Variants in GRIN2A observed in about 807,000 individuals in gnomAD.
GRIN2A encodes the protein glutamate ionotropic receptor NMDA type subunit 2A.
In GRIN2A, 22 loss-of-function variants were observed where a neutral mutation model predicts 113.4. The observed-to-expected ratio is 0.19, with a 90% confidence interval of 0.14 to 0.28. The LOEUF (loss-of-function observed/expected upper bound fraction) is 0.28, where lower values mean the gene tolerates loss of function less well. Among genes scored for constraint, GRIN2A ranks in the 10% least tolerant of loss-of-function variants. GRIN2A has a pLI of 1.00. For synonymous variants in GRIN2A, 827 were observed against 738.4 expected (o/e 1.12, Z -1.94); for missense variants, 1,502 against 1,887.0 (o/e 0.80, Z 3.78).
At chr16:9,793,665 CA>C (rs1902765196) in intron 11 of GRIN2A, among the ~76,000 whole-genome samples, 1 of 152,094 alleles carries the variant, frequency 6.6e-6, no homozygotes, top group Admixed American at 6.6e-5. Flanking sequence ...CTTTATGAAT[CA>C]TTCTGTCCTT....
At chr16:10,091,000 CAT>C (rs2048174304) in intron 2 of GRIN2A, among the ~76,000 whole-genome samples, 1 of 152,122 alleles carries the variant, frequency 6.6e-6, no homozygotes, top group African/African-American at 2.4e-5. Context: ...ATTCCACTTC[CAT>C]ATACACACTA....
At chr16:10,149,001 G>A (rs1347298972) in intron 2 of GRIN2A, among the ~76,000 whole-genome samples, 1 of 152,228 alleles carries the variant, frequency 6.6e-6, no homozygotes, top group Admixed American at 6.5e-5. Flanking sequence ...TCACCCATCT[G>A]TGGGAGCTAA....
chr16:9,939,908 G>T (rs934220169), intron 2 of GRIN2A, among the ~76,000 whole-genome samples: 1 of 152,034 alleles, frequency 6.6e-6, no homozygotes, highest in Non-Finnish European at 1.5e-5. Flanking sequence ...GGAACTGAAA[G>T]AATTATCAAA....
intron 4 of GRIN2A, among the ~76,000 whole-genome samples, chr16:9,868,493 C>T (rs2043201207): frequency 6.6e-6 from 1 of 152,166 alleles, no homozygotes. Context: ...CCTCAAACTC[C>T]TGACCTCAGG....
At chr16:9,985,611 C>A (rs1384008284) in intron 2 of GRIN2A, among the ~76,000 whole-genome samples, 1 of 151,678 alleles carries the variant, frequency 6.6e-6, no homozygotes, top group Non-Finnish European at 1.5e-5. Flanking sequence ...CTTCATATTC[C>A]CACTTATTTG....
rs550498975 is a variant in GRIN2A at position 9,915,492 on chromosome 16, C to T, written c.1007+22467G>A. Among the ~76,000 whole-genome samples, 5 of 152,304 alleles carry T rather than the reference C, an allele frequency of 3.3e-5. No homozygotes were observed. In the South Asian group the frequency reaches 1.0e-3, roughly 32 times the overall value. On this transcript the variant is annotated intron_variant, in intron 3 of 12. Transcript: ENST00000330684. ...TTTATGGTAAGATTATTTATCAAGG[C>T]CATTGCCCCAATTACTTGTTTCTAC...
At chr16:10,038,203 A>G (rs1418854874) in intron 2 of GRIN2A, among the ~76,000 whole-genome samples, 3 of 152,170 alleles carry the variant, frequency 2.0e-5, no homozygotes, top group African/African-American at 7.2e-5. Context: ...GTGTCCTCAC[A>G]GTGGAAGGGT....
rs1596441754 is a variant in GRIN2A, at chr16:10,029,515, T to G, written c.415-90964A>C. On this transcript the variant is annotated intron_variant, in intron 2 of 12. Coordinates refer to ENST00000330684, the MANE Select transcript of GRIN2A (RefSeq NM_001134407.3). ...CGTAGACTCAAAAGAAAAACAGTAT[T>G]TTAAAAAAAAGAACAAGAATGCTGT... 5.3e-5 allele frequency among the ~76,000 whole-genome samples: 8 copies of G among 152,092 alleles called. 1 individual carries two copies. Among genetic ancestry groups the G allele is most frequent in the Admixed American group, 5.2e-4 (8 of 15,290 alleles).
chr16:9,802,534 A>C (rs1233087892), intron 10 of GRIN2A, among the ~76,000 whole-genome samples: 1 of 152,190 alleles, frequency 6.6e-6, no homozygotes, highest in Non-Finnish European at 1.5e-5. Flanking sequence ...TTATAAAATA[A>C]TACTTAGCAT....
At chr16:9,822,494 AC>A in intron 9 of GRIN2A, 70 bp from the exon 10 acceptor site, 2 of 999,916 alleles carry the variant, frequency 2.0e-6, no homozygotes, top group Non-Finnish European at 3.2e-6. Flanking sequence ...GGAGGAGAGA[AC>A]AAATAATAAA....
At chr16:10,044,524 T>A (rs2047226146) in intron 2 of GRIN2A, among the ~76,000 whole-genome samples, 1 of 151,876 alleles carries the variant, frequency 6.6e-6, no homozygotes, top group Non-Finnish European at 1.5e-5. Context: ...TCATTCTTCA[T>A]CTAGGCTGTC....
chr16:9,867,159 C>T (rs892831630), intron 4 of GRIN2A, among the ~76,000 whole-genome samples: 2 of 152,172 alleles, frequency 1.3e-5, no homozygotes, highest in African/African-American at 4.8e-5. Context: ...CCCTCCCCAA[C>T]TCTGAGTCAA....
In GRIN2A at chr16:9,960,891, G is replaced by A. The variant is rs576289919; in HGVS notation, c.415-22340C>T. On this transcript the variant is annotated intron_variant, in intron 2 of 12. Coordinates refer to ENST00000330684, the MANE Select transcript of GRIN2A (RefSeq NM_001134407.3). ...TCCTCCTGCCTCAGTCTCCCAAAGTGCTGGGATTACAGGCATGAGCCACCG... is the reference window on the plus strand; with the variant it reads ...TCCTCCTGCCTCAGTCTCCCAAAGTACTGGGATTACAGGCATGAGCCACCG... 5.2e-4 allele frequency among the ~76,000 whole-genome samples: 79 copies of A among 152,230 alleles called. 1 individual carries two copies. The highest frequency in any genetic ancestry group is 8.5e-4 in the Non-Finnish European group (58 of 68,034).
Position 9,987,847 on chromosome 16 carries a change from G to A in GRIN2A, c.415-49296C>T, listed in dbSNP as rs1189895568. Among the ~76,000 whole-genome samples the A allele has an allele frequency of 3.3e-5, 5 of 152,124 alleles. No homozygotes were observed. In the East Asian group the frequency reaches 5.8e-4, roughly 18 times the overall value. Reference sequence around the variant, plus strand: ...GCATGGAGTCAATTTAATACATTTCGAGAGTTTACTCTACAAAAGCCAACA... The same window carrying A: ...GCATGGAGTCAATTTAATACATTTCAAGAGTTTACTCTACAAAAGCCAACA... On this transcript the variant is annotated intron_variant, in intron 2 of 12. Coordinates refer to ENST00000330684, the MANE Select transcript of GRIN2A (RefSeq NM_001134407.3).
chr16:9,793,668 T>A (rs1902765439), intron 11 of GRIN2A, among the ~76,000 whole-genome samples: 1 of 152,196 alleles, frequency 6.6e-6, no homozygotes, highest in Admixed American at 6.5e-5. Flanking sequence ...TATGAATCAT[T>A]CTGTCCTTTA....
chr16:10,113,422 C>T (rs2142155201), intron 2 of GRIN2A, among the ~76,000 whole-genome samples: 1 of 152,320 alleles, frequency 6.6e-6, no homozygotes, highest in East Asian at 1.9e-4. Context: ...TGTCCCTGGC[C>T]CCGGGGAGGA....
intron 2 of GRIN2A, among the ~76,000 whole-genome samples, chr16:9,944,510 C>A (rs529423173): frequency 2.0e-5 from 3 of 152,226 alleles, no homozygotes; most frequent in Admixed American, 6.5e-5. Context: ...ATCATCATAG[C>A]CAATATCTCT....
chr16:9,952,903 G>C (rs1029764929), intron 2 of GRIN2A, among the ~76,000 whole-genome samples: 1 of 152,198 alleles, frequency 6.6e-6, no homozygotes, highest in Non-Finnish European at 1.5e-5. Context: ...AGGAAGGATG[G>C]AGAGACACAG....
intron 2 of GRIN2A, among the ~76,000 whole-genome samples, chr16:10,106,727 C>T (rs527667557): frequency 2.0e-5 from 3 of 152,272 alleles, no homozygotes; most frequent in East Asian, 3.9e-4. Flanking sequence ...GGGAAGTTGG[C>T]TCCTTCACTT....
Sources: allele counts gnomAD v4.1 joint callset (sites outside exome capture counted in the v4.1 genomes callset), GRCh38; gene constraint gnomAD v4.1.1; transcripts MANE v1.5; gene names NCBI Gene and HGNC (gene_info 2026-07-23, HGNC 2026-07-21).